The following PALM2AKAP2 variants were observed in gnomAD, a reference collection of about 807,000 sequenced individuals.
PALM2AKAP2 encodes the protein PALM2-AKAP2 fusion protein.
PALM2AKAP2 carries 37 observed loss-of-function variants against 71.5 expected under a neutral mutation model. The observed-to-expected ratio is 0.52, with a 90% CI of 0.40 to 0.68. The LOEUF (loss-of-function observed/expected upper bound fraction) is 0.68, where lower values mean the gene tolerates loss of function less well. Among genes scored for constraint, PALM2AKAP2 ranks in the 30% least tolerant of loss-of-function variants. The probability of loss-of-function intolerance (pLI) is 0.00; values close to 1 mark genes in which losing one functional copy is unlikely to be tolerated. For synonymous variants in PALM2AKAP2, 468 were observed against 478.8 expected, an observed-to-expected ratio of 0.98 and a Z score of 0.29; for missense variants, 1,224 against 1,191.8, an observed-to-expected ratio of 1.03 and a Z score of -0.40.
At chr9:109,642,791 A>G (rs1392362728) in intron 1 of PALM2AKAP2, among the ~76,000 whole-genome samples, 1 of 149,474 alleles carries the variant, frequency 6.7e-6, no homozygotes, top group Non-Finnish European at 1.5e-5. Flanking sequence ...GGCTCAAGCA[A>G]TCCTCCTGCC....
intron 1 of PALM2AKAP2, among the ~76,000 whole-genome samples, chr9:110,068,271 C>A (rs1834128440): frequency 6.7e-6 from 1 of 149,812 alleles, no homozygotes; most frequent in Admixed American, 6.6e-5. Flanking sequence ...TTTTTCTGTT[C>A]TTTTTCTGTT....
At chr9:109,827,523 C>T (rs903323540) in intron 1 of PALM2AKAP2, among the ~76,000 whole-genome samples, 4 of 152,052 alleles carry the variant, frequency 2.6e-5, no homozygotes, top group Non-Finnish European at 4.4e-5. Flanking sequence ...GCAGAAAAAT[C>T]GCTTGAACCT....
At chr9:109,663,144 C>T (rs1029205081) in intron 1 of PALM2AKAP2, among the ~76,000 whole-genome samples, 17 of 152,030 alleles carry the variant, frequency 1.1e-4, no homozygotes, top group African/African-American at 3.4e-4. Flanking sequence ...AACAAGCTTC[C>T]GGATTCATTG....
At chr9:109,680,926 C>G (rs376638130) in intron 1 of PALM2AKAP2, among the ~76,000 whole-genome samples, 1 of 152,074 alleles carries the variant, frequency 6.6e-6, no homozygotes, top group Non-Finnish European at 1.5e-5. Context: ...TTCATAGATT[C>G]CCCTGGATTC....
chr9:110,008,260 T>G (rs935836239), intron 6 of PALM2AKAP2, among the ~76,000 whole-genome samples: 1 of 152,118 alleles, frequency 6.6e-6, no homozygotes, highest in Non-Finnish European at 1.5e-5. Context: ...AACTGTTGTT[T>G]CTGAGGTTTT....
chr9:109,649,486 C>T (rs2132231233), intron 1 of PALM2AKAP2, among the ~76,000 whole-genome samples: 1 of 152,294 alleles, frequency 6.6e-6, no homozygotes, highest in Middle Eastern at 3.4e-3. Flanking sequence ...TTGGCTAGCA[C>T]ATTTTGCACT....
chr9:109,889,818 T>C (rs1830045280), intron 3 of PALM2AKAP2, among the ~76,000 whole-genome samples: 1 of 152,102 alleles, frequency 6.6e-6, no homozygotes, highest in South Asian at 2.1e-4. Flanking sequence ...ACTATGAAAA[T>C]AGTAGTTGAA....
At chr9:109,678,123 T>C (rs1827675077) in intron 1 of PALM2AKAP2, among the ~76,000 whole-genome samples, 1 of 152,152 alleles carries the variant, frequency 6.6e-6, no homozygotes, top group African/African-American at 2.4e-5. Flanking sequence ...CAGCTTTTCT[T>C]AGTAGTGAGG....
chr9:109,946,011 C>A (rs1831496203), intron 6 of PALM2AKAP2: 1 of 152,168 alleles, frequency 6.6e-6, no homozygotes, highest in African/African-American at 2.4e-5. Context: ...AGATGTGTTA[C>A]CTTTATTCGA....
intron 1 of PALM2AKAP2, among the ~76,000 whole-genome samples, chr9:110,049,111 T>C (rs1473942202): frequency 6.6e-6 from 1 of 152,228 alleles, no homozygotes; most frequent in Non-Finnish European, 1.5e-5. Flanking sequence ...CTTTGTTCAA[T>C]GCTTATCATT....
chr9:109,761,518 C>T (rs1829052443), intron 1 of PALM2AKAP2, among the ~76,000 whole-genome samples: 1 of 152,146 alleles, frequency 6.6e-6, no homozygotes, highest in African/African-American at 2.4e-5. Flanking sequence ...AATACTCTCC[C>T]TCCCCTTGTC....
chr9:109,900,834 C>A (rs1324543338), intron 3 of PALM2AKAP2, among the ~76,000 whole-genome samples: 3 of 152,234 alleles, frequency 2.0e-5, no homozygotes, highest in African/African-American at 7.2e-5. Context: ...CACCAAAAGA[C>A]AGTTAACTTT....
chr9:109,967,237 G>A (rs1831968661), intron 6 of PALM2AKAP2, among the ~76,000 whole-genome samples: 1 of 152,004 alleles, frequency 6.6e-6, no homozygotes, highest in African/African-American at 2.4e-5. Context: ...TGTGGCAAGG[G>A]GCTCTTCACA....
At chr9:109,794,352 C>A (rs1444650066) in intron 1 of PALM2AKAP2, among the ~76,000 whole-genome samples, 2 of 150,582 alleles carry the variant, frequency 1.3e-5, no homozygotes, top group East Asian at 3.9e-4. Context: ...ACATTTCTTT[C>A]TATTGACAGG....
intron 1 of PALM2AKAP2, among the ~76,000 whole-genome samples, chr9:109,836,149 C>T (rs891681458): frequency 6.6e-6 from 1 of 152,170 alleles, no homozygotes; most frequent in African/African-American, 2.4e-5. Context: ...AGACTGACAC[C>T]TCACATGGCC....
chr9:110,018,791 A>G (rs1833024923), intron 7 of PALM2AKAP2, among the ~76,000 whole-genome samples: 1 of 152,136 alleles, frequency 6.6e-6, no homozygotes, highest in African/African-American at 2.4e-5. Context: ...AGGATTCCCA[A>G]TTACGGAGCA....
intron 1 of PALM2AKAP2, among the ~76,000 whole-genome samples, chr9:109,843,236 G>A (rs1035084267): frequency 1.4e-5 from 2 of 144,112 alleles, no homozygotes; most frequent in Non-Finnish European, 1.5e-5. Context: ...CAGGACTTTG[G>A]TGCTGCAGTG....
At chr9:109,664,978 C>A (rs757065511) in intron 1 of PALM2AKAP2, among the ~76,000 whole-genome samples, 1 of 152,140 alleles carries the variant, frequency 6.6e-6, no homozygotes, top group African/African-American at 2.4e-5. Flanking sequence ...ATTGAATCGG[C>A]TATTGAAGCT....
At chr9:110,108,118 CTTT>C (rs371354620) in intron 1 of PALM2AKAP2, among the ~76,000 whole-genome samples, 1 of 111,218 alleles carries the variant, frequency 9.0e-6, no homozygotes. Flanking sequence ...TTCTTTTTTT[CTTT>C]TTTTTTTTTT....
Sources: allele counts gnomAD v4.1 joint callset (sites outside exome capture counted in the v4.1 genomes callset), GRCh38; gene constraint gnomAD v4.1.1; transcripts MANE v1.5; gene names NCBI Gene and HGNC (gene_info 2026-07-23, HGNC 2026-07-21).